RASSF8: variants seen among roughly 807,000 people sequenced by gnomAD.
The protein encoded by RASSF8 is Ras association domain family member 8.
Under a neutral mutation model 48.5 loss-of-function variants are expected in RASSF8, and 22 were observed. That is an observed-to-expected ratio of 0.45 (90% CI 0.32 to 0.65). The LOEUF (loss-of-function observed/expected upper bound fraction) is 0.65, where lower values mean the gene tolerates loss of function less well. Ranked by LOEUF, RASSF8 falls within the 30% of genes least tolerant of loss-of-function variation. RASSF8 has a pLI of 0.03. For synonymous variants in RASSF8, 127 were observed against 171.5 expected (o/e 0.74, Z 2.03); for missense variants, 418 against 489.2 (o/e 0.85, Z 1.37).
downstream of RASSF8, among the ~76,000 whole-genome samples, chr12:26,076,195 T>C (rs1455915611): frequency 1.3e-5 from 2 of 151,900 alleles, no homozygotes; most frequent in East Asian, 1.9e-4. Flanking sequence ...GTCTTCAGTC[T>C]CCTCTCTCCT....
At chr12:25,979,206 G>C (rs990025962) in intron 1 of RASSF8, among the ~76,000 whole-genome samples, 4 of 152,084 alleles carry the variant, frequency 2.6e-5, no homozygotes, top group African/African-American at 7.2e-5. Flanking sequence ...TAGTAGATAA[G>C]CTTGTCCTGC....
chr12:25,991,638 T>G (rs1201722670), intron 1 of RASSF8, among the ~76,000 whole-genome samples: 1 of 152,180 alleles, frequency 6.6e-6, no homozygotes, highest in African/African-American at 2.4e-5. Flanking sequence ...GCAGAAGGCC[T>G]CAGCTCCTCA....
intron 1 of RASSF8, among the ~76,000 whole-genome samples, chr12:25,982,113 T>C (rs1941759280): frequency 1.3e-5 from 2 of 152,222 alleles, no homozygotes; most frequent in Admixed American, 1.3e-4. Context: ...ATTTATATGC[T>C]GAATGATACA....
At chr12:26,078,108 A>C (rs1317654767) in intron 5 of RASSF8, among the ~76,000 whole-genome samples, 1 of 152,194 alleles carries the variant, frequency 6.6e-6, no homozygotes, top group Non-Finnish European at 1.5e-5. Context: ...ATATTTATTG[A>C]ATGCCTACTG....
At chr12:25,969,760 C>T (rs183336277) in intron 1 of RASSF8, among the ~76,000 whole-genome samples, 18 of 152,092 alleles carry the variant, frequency 1.2e-4, no homozygotes, top group East Asian at 3.9e-4. Context: ...GGTGCCATTC[C>T]GGAATATGTG....
In RASSF8 at chr12:26,053,187, GAA is replaced by G. The variant is rs34156987; in HGVS notation, c.-108-2038_-108-2037del. On this transcript the variant is annotated intron_variant, in intron 2 of 5. Transcript: ENST00000689635. ...AGATCTTATGTTTTCTTCCACAATT[GAA>G]AAAAAAAAAAGTCCTATAGAATCAT... Among the ~76,000 whole-genome samples, 995 of 146,572 alleles carry G rather than the reference GAA, an allele frequency of 6.8e-3. 7 individuals carry two copies. The highest frequency in any genetic ancestry group is 0.023 in the African/African-American group (899 of 39,864).
intron 2 of RASSF8, among the ~76,000 whole-genome samples, chr12:26,009,005 C>G (rs1386831406): frequency 6.6e-6 from 1 of 152,092 alleles, no homozygotes; most frequent in Non-Finnish European, 1.5e-5. Flanking sequence ...CCAGATCAGT[C>G]CAGTGTTTTT....
At position 26,071,451 on chromosome 12, in the gene RASSF8, C is replaced by T. The variant is rs1354874460; in HGVS notation, c.*2633C>T. The T allele has an allele frequency of 4.0e-5, 38 of 944,596 alleles. No homozygotes were observed. Among genetic ancestry groups the T allele is most frequent in the Non-Finnish European group, 4.8e-5 (38 of 793,246 alleles). The allele number at this position is 944,596 out of a possible 1,614,324, so 58.5% of individuals were successfully genotyped here. A position where few individuals can be genotyped will look rare whatever the true frequency, so the allele number is the denominator to read the frequency against. On this transcript the variant is annotated 3_prime_UTR_variant, in exon 6 of 6. Coordinates refer to ENST00000689635, the MANE Select transcript of RASSF8 (RefSeq NM_001394098.1). ...CAACTTGTTTTATTGTGATTTTCTACAAGTATTAAATACATTTAAAGATCT... is the reference window on the plus strand; with the variant it reads ...CAACTTGTTTTATTGTGATTTTCTATAAGTATTAAATACATTTAAAGATCT...
In RASSF8 at chr12:26,055,251, T is replaced by TA; in HGVS notation, c.-92dup. On this transcript the variant is annotated 5_prime_UTR_variant, in exon 3 of 6. Coordinates refer to ENST00000689635, the MANE Select transcript of RASSF8 (RefSeq NM_001394098.1). ...CCTTTTTTAGCTGACTACACAGACTTAGTCTTCTCCACTCCGTGTTCCTGC... is the reference window on the plus strand; with the variant it reads ...CCTTTTTTAGCTGACTACACAGACTTAAGTCTTCTCCACTCCGTGTTCCTGC... 1.0e-6 allele frequency: 1 copy of TA among 1,002,682 alleles called. No homozygotes were observed. Among genetic ancestry groups the TA allele is most frequent in the Non-Finnish European group, 1.6e-6 (1 of 625,376 alleles). The allele number at this position is 1,002,682 out of a possible 1,614,324, so 62.1% of individuals were successfully genotyped here. A position where few individuals can be genotyped will look rare whatever the true frequency, so the allele number is the denominator to read the frequency against.
intron 2 of RASSF8, among the ~76,000 whole-genome samples, chr12:26,050,480 C>T (rs889153946): frequency 1.5e-4 from 23 of 152,304 alleles, no homozygotes; most frequent in Middle Eastern, 3.4e-3. Context: ...ACAAATGCTG[C>T]TTGGAAAAAT....
intron 1 of RASSF8, among the ~76,000 whole-genome samples, chr12:25,973,204 A>ATT (rs11344037): frequency 5.0e-4 from 73 of 145,420 alleles, no homozygotes; most frequent in Middle Eastern, 7.3e-3. Context: ...AAAGATCGCT[A>ATT]TTTTTTTTTT....
chr12:25,998,801 CATTT>C (rs1257301715), intron 2 of RASSF8, among the ~76,000 whole-genome samples: 1 of 151,768 alleles, frequency 6.6e-6, no homozygotes, highest in East Asian at 1.9e-4. Context: ...TGTGTCCATT[CATTT>C]AAGGAAACTT....
At chr12:25,993,740 C>T (rs1199594572) in intron 1 of RASSF8, among the ~76,000 whole-genome samples, 2 of 152,074 alleles carry the variant, frequency 1.3e-5, no homozygotes, top group Non-Finnish European at 2.9e-5. Context: ...GGTAGGTCTA[C>T]TTGAAGCCAG....
Position 26,065,147 on chromosome 12 carries a change from A to G in RASSF8, c.753A>G (p.Ile251Met). Residue 251 changes from isoleucine (I) to methionine (M), a missense_variant, in exon 4 of 6, where the codon ATA becomes ATG. Transcript: ENST00000689635. ...KDQLQEIRQK[I>M]TECENKLKDY... ...AACTTCAAGAAATAAGACAGAAAATAACAGAATGTGAAAACAAATTAAAGG... is the reference window on the plus strand; with the variant it reads ...AACTTCAAGAAATAAGACAGAAAATGACAGAATGTGAAAACAAATTAAAGG... 1 of 1,614,008 alleles carries G rather than the reference A, an allele frequency of 6.2e-7. No individual in the cohort carries two copies. Among genetic ancestry groups the G allele is most frequent in the Non-Finnish European group, 8.5e-7 (1 of 1,179,958 alleles).
At chr12:25,979,628 G>C (rs1941691098) in intron 1 of RASSF8, among the ~76,000 whole-genome samples, 1 of 152,094 alleles carries the variant, frequency 6.6e-6, no homozygotes, top group Admixed American at 6.5e-5. Context: ...TTTTACTTCT[G>C]CAAAAACTGA....
intron 2 of RASSF8, among the ~76,000 whole-genome samples, chr12:26,014,030 G>C (rs1195881287): frequency 1.3e-5 from 2 of 152,232 alleles, no homozygotes; most frequent in Non-Finnish European, 2.9e-5. Context: ...GAATATGAGA[G>C]TGTGGACCTT....
intron 2 of RASSF8, among the ~76,000 whole-genome samples, chr12:26,022,834 C>T (rs957750199): frequency 6.6e-6 from 1 of 152,016 alleles, no homozygotes; most frequent in Admixed American, 6.5e-5. Context: ...TTCCGCCTCC[C>T]GGGTTCAAGC....
At chr12:26,075,078 G>T (rs1470087897), downstream of RASSF8, among the ~76,000 whole-genome samples, 4 of 152,322 alleles carry the variant, frequency 2.6e-5, 1 homozygote, top group African/African-American at 9.6e-5. Flanking sequence ...CAGAGGTGAT[G>T]GTAACTCAAA....
At chr12:26,068,636 A>G (rs1348428821) in intron 5 of RASSF8, 61 bp from the exon 6 acceptor site, 12 of 1,309,912 alleles carry the variant, frequency 9.2e-6, no homozygotes, top group Admixed American at 2.1e-5. Flanking sequence ...CTGATTTTTT[A>G]TATTGCTAAG....
Sources: allele counts gnomAD v4.1 joint callset (sites outside exome capture counted in the v4.1 genomes callset), GRCh38; gene constraint gnomAD v4.1.1; transcripts MANE v1.5; gene names NCBI Gene and HGNC (gene_info 2026-07-23, HGNC 2026-07-21).